KLHL3: variants seen among roughly 807,000 people sequenced by gnomAD.
The protein encoded by KLHL3 is kelch-like protein 3.
KLHL3 carries 19 observed loss-of-function variants against 70.5 expected under a neutral mutation model. The observed-to-expected ratio is 0.27, with a 90% CI of 0.19 to 0.40. KLHL3 has a LOEUF of 0.40. Ranked by LOEUF, KLHL3 falls within the 10% of genes least tolerant of loss-of-function variation. The pLI, the probability that KLHL3 is intolerant of heterozygous loss-of-function variation, is 1.00. For synonymous variants in KLHL3, 258 were observed against 290.3 expected, an observed-to-expected ratio of 0.89 and a Z score of 1.13; for missense variants, 512 against 771.1, an observed-to-expected ratio of 0.66 and a Z score of 3.98.
At chr5:137,715,029 G>A (rs185510232) in intron 2 of KLHL3, among the ~76,000 whole-genome samples, 2 of 152,318 alleles carry the variant, frequency 1.3e-5, no homozygotes, top group African/African-American at 4.8e-5. Flanking sequence ...TGGTTAGGAT[G>A]TGCTATTCTA....
chr5:137,663,350 C>T (rs1751533714), intron 6 of KLHL3, among the ~76,000 whole-genome samples: 1 of 151,836 alleles, frequency 6.6e-6, no homozygotes, highest in South Asian at 2.1e-4. Flanking sequence ...AGCCACCAGC[C>T]CCAGCCCCAG....
At chr5:137,654,986 A>ATATGT (rs1751302745) in intron 8 of KLHL3, among the ~76,000 whole-genome samples, 1 of 151,886 alleles carries the variant, frequency 6.6e-6, no homozygotes, top group Non-Finnish European at 1.5e-5. Flanking sequence ...TGGGTATATG[A>ATATGT]GGTAAGAGCT....
At chr5:137,622,475 G>C (rs765181060) in intron 14 of KLHL3, among the ~76,000 whole-genome samples, 1 of 152,232 alleles carries the variant, frequency 6.6e-6, no homozygotes, top group Non-Finnish European at 1.5e-5. Context: ...TTCTAAATTT[G>C]AATCACTGTA....
chr5:137,686,469 A>C (rs954573784), intron 5 of KLHL3, among the ~76,000 whole-genome samples: 1 of 152,238 alleles, frequency 6.6e-6, no homozygotes, highest in African/African-American at 2.4e-5. Flanking sequence ...ACTCAGCTCC[A>C]AAGTGTTAGC....
At chr5:137,622,273 G>T (rs1436060554) in intron 14 of KLHL3, 147 bp from the exon 15 acceptor site, 1 of 942,636 alleles carries the variant, frequency 1.1e-6, no homozygotes, top group Non-Finnish European at 1.6e-6. Context: ...GACTCAGGCT[G>T]CTAGCAGCTG....
chr5:137,635,517 T>G (rs150213399), intron 11 of KLHL3, among the ~76,000 whole-genome samples: 45 of 152,302 alleles, frequency 3.0e-4, no homozygotes, highest in African/African-American at 1.1e-3. Context: ...CAGTAGCAAA[T>G]TATTGTGATT....
chr5:137,707,327 G>A (rs1474371538), intron 3 of KLHL3, among the ~76,000 whole-genome samples: 1 of 152,164 alleles, frequency 6.6e-6, no homozygotes, highest in Non-Finnish European at 1.5e-5. Context: ...CAGCTACTCA[G>A]GAGGCTGAGG....
intron 1 of KLHL3, 42 bp downstream of exon 1, chr5:137,735,591 T>A (rs754873103): frequency 1.3e-6 from 2 of 1,490,540 alleles, no homozygotes; most frequent in South Asian, 1.1e-5. Context: ...ACACATACAC[T>A]TACATACACA....
chr5:137,623,205 T>C (rs1338779171), intron 14 of KLHL3, among the ~76,000 whole-genome samples: 2 of 152,240 alleles, frequency 1.3e-5, no homozygotes, highest in Non-Finnish European at 2.9e-5. Flanking sequence ...CTGGTGCCTG[T>C]TGCTAAATGA....
intron 5 of KLHL3, among the ~76,000 whole-genome samples, chr5:137,690,037 G>C (rs1752278423): frequency 6.6e-6 from 1 of 152,198 alleles, no homozygotes; most frequent in African/African-American, 2.4e-5. Flanking sequence ...TTTGTGAAAA[G>C]AATCTGCAGG....
rs1323409617 is a variant in KLHL3, at chr5:137,686,600, G to T, written c.526+5685C>A. On this transcript the variant is annotated intron_variant, in intron 5 of 14. Transcript: ENST00000309755. ...ACCACAGAGACCAATGCTTTCCCTT[G>T]TGTGTGACCCTAGTGGGTGCCTGCA... 2.0e-5 allele frequency among the ~76,000 whole-genome samples: 3 copies of T among 152,188 alleles called. No homozygotes were observed. In the East Asian group the frequency reaches 5.8e-4, roughly 29 times the overall value.
At chr5:137,626,772 G>A (rs1358916393) in intron 13 of KLHL3, among the ~76,000 whole-genome samples, 1 of 152,198 alleles carries the variant, frequency 6.6e-6, no homozygotes, top group African/African-American at 2.4e-5. Context: ...GGGAGGCCAA[G>A]GCAGATGGAT....
At chr5:137,715,340 C>A (rs1752872895) in intron 2 of KLHL3, among the ~76,000 whole-genome samples, 1 of 152,152 alleles carries the variant, frequency 6.6e-6, no homozygotes, top group East Asian at 1.9e-4. Flanking sequence ...TCCCAAATCC[C>A]TGGAATATCA....
chr5:137,658,302 T>C (rs748735568), intron 7 of KLHL3, 22 bp from the exon 8 acceptor site: 52 of 1,613,300 alleles, frequency 3.2e-5, no homozygotes. Flanking sequence ...AATCCACAGA[T>C]GATCCTGGAG....
chr5:137,664,892 A>C (rs759994595), intron 6 of KLHL3, among the ~76,000 whole-genome samples: 2 of 152,158 alleles, frequency 1.3e-5, no homozygotes, highest in African/African-American at 2.4e-5. Context: ...AACAGATTAC[A>C]TACTATTTAC....
At chr5:137,642,969 C>T (rs1218217557) in intron 8 of KLHL3, among the ~76,000 whole-genome samples, 4 of 152,026 alleles carry the variant, frequency 2.6e-5, no homozygotes, top group African/African-American at 9.7e-5. Flanking sequence ...GAAAATCTAC[C>T]ACTCATCTCT....
intron 2 of KLHL3, among the ~76,000 whole-genome samples, chr5:137,715,984 A>G (rs930897711): frequency 3.3e-5 from 5 of 152,200 alleles, no homozygotes; most frequent in African/African-American, 9.6e-5. Context: ...TAGAGCCAAG[A>G]TTTGAAGTCA....
intron 5 of KLHL3, among the ~76,000 whole-genome samples, chr5:137,683,819 C>T (rs1329895841): frequency 2.6e-5 from 4 of 152,056 alleles, no homozygotes; most frequent in African/African-American, 9.7e-5. Flanking sequence ...CACACACACA[C>T]ACATACACAC....
intron 2 of KLHL3, among the ~76,000 whole-genome samples, chr5:137,712,941 TG>T (rs1419616933): frequency 6.6e-6 from 1 of 152,058 alleles, no homozygotes; most frequent in African/African-American, 2.4e-5. Flanking sequence ...TTTAAAAAAA[TG>T]GTTTTTTTTC....
Sources: allele counts gnomAD v4.1 joint callset (sites outside exome capture counted in the v4.1 genomes callset), GRCh38; gene constraint gnomAD v4.1.1; transcripts MANE v1.5; gene names NCBI Gene and HGNC (gene_info 2026-07-23, HGNC 2026-07-21).